Variants in CA10 observed in about 807,000 individuals in gnomAD.
CA10 encodes carbonic anhydrase-related protein 10.
A neutral mutation model predicts 44.2 loss-of-function variants in CA10; 14 were observed. The observed-to-expected ratio is 0.32, with a 90% CI of 0.21 to 0.50. CA10 has a LOEUF of 0.50. Among genes scored for constraint, CA10 ranks in the 20% least tolerant of loss-of-function variants. The probability of loss-of-function intolerance (pLI) is 0.99; values close to 1 mark genes in which losing one functional copy is unlikely to be tolerated. For missense variants in CA10, 350 were observed against 409.7 expected, an observed-to-expected ratio of 0.85 and a Z score of 1.26; for synonymous variants, 159 against 141.6, an observed-to-expected ratio of 1.12 and a Z score of -0.87.
intron 4 of CA10, among the ~76,000 whole-genome samples, chr17:51,696,107 G>A (rs1456962146): frequency 1.3e-5 from 2 of 152,150 alleles, no homozygotes; most frequent in Non-Finnish European, 2.9e-5. Flanking sequence ...GTTCATCAGG[G>A]ATATTGACCT....
At chr17:52,026,124 A>T (rs1479146295) in intron 2 of CA10, among the ~76,000 whole-genome samples, 1 of 152,150 alleles carries the variant, frequency 6.6e-6, no homozygotes, top group Non-Finnish European at 1.5e-5. Flanking sequence ...GCTCCCATTC[A>T]TAAGTAAACT....
At chr17:51,800,455 T>G (rs1906882865) in intron 3 of CA10, among the ~76,000 whole-genome samples, 1 of 152,100 alleles carries the variant, frequency 6.6e-6, no homozygotes, top group Non-Finnish European at 1.5e-5. Flanking sequence ...AAAAAAAACA[T>G]TAAATTATAC....
chr17:51,729,152 C>T (rs1442518956), intron 4 of CA10, among the ~76,000 whole-genome samples: 1 of 152,056 alleles, frequency 6.6e-6, no homozygotes, highest in East Asian at 1.9e-4. Context: ...ACAATCTGTC[C>T]CCCATTTGAC....
intron 3 of CA10, among the ~76,000 whole-genome samples, chr17:51,765,435 G>A (rs538392609): frequency 2.0e-5 from 3 of 152,290 alleles, no homozygotes; most frequent in Admixed American, 6.5e-5. Context: ...TCTTAATAGA[G>A]AGAACTGCAG....
chr17:51,741,299 T>C (rs938023966), intron 4 of CA10, among the ~76,000 whole-genome samples: 8 of 152,220 alleles, frequency 5.3e-5, no homozygotes, highest in Non-Finnish European at 7.3e-5. Context: ...TTTTGTGTCC[T>C]TTACCACATT....
chr17:51,811,013 T>A (rs1208263142), intron 3 of CA10, among the ~76,000 whole-genome samples: 3 of 152,124 alleles, frequency 2.0e-5, no homozygotes, highest in African/African-American at 7.2e-5. Context: ...CTGGCCAACA[T>A]GGCGAAACCA....
At chr17:51,808,861 ATTTAC>A (rs892681150) in intron 3 of CA10, among the ~76,000 whole-genome samples, 3 of 152,174 alleles carry the variant, frequency 2.0e-5, no homozygotes, top group African/African-American at 4.8e-5. Context: ...TATTTCCCAA[ATTTAC>A]TTTAAAGAAT....
At chr17:51,795,740 C>A (rs1359935599) in intron 3 of CA10, among the ~76,000 whole-genome samples, 1 of 152,152 alleles carries the variant, frequency 6.6e-6, no homozygotes. Flanking sequence ...AGGGCTGACC[C>A]CAGGGAGGCA....
At chr17:51,771,915 C>T (rs1195753114) in intron 3 of CA10, among the ~76,000 whole-genome samples, 2 of 152,194 alleles carry the variant, frequency 1.3e-5, no homozygotes, top group African/African-American at 2.4e-5. Context: ...GAAGTAGGAG[C>T]AGGCATCCCA....
In CA10 at chr17:51,719,918, C is replaced by T. The variant is rs1004093998; in HGVS notation, c.465+27715G>A. ...AAAACAAAACAAAAAACTTTTGCAG[C>T]CTTTTAAGGAGGCAATGAAGTGGGC... On this transcript the variant is annotated intron_variant, in intron 4 of 8. Coordinates refer to ENST00000451037, the MANE Select transcript of CA10 (RefSeq NM_020178.5). Among the ~76,000 whole-genome samples the T allele has an allele frequency of 2.0e-5, 3 of 152,122 alleles. No homozygotes were observed. The East Asian group carries it at 5.8e-4, about 29-fold the overall frequency.
At chr17:51,927,046 C>T (rs1982461201) in intron 3 of CA10, among the ~76,000 whole-genome samples, 1 of 152,154 alleles carries the variant, frequency 6.6e-6, no homozygotes, top group South Asian at 2.1e-4. Context: ...TATTATCCTT[C>T]ATCCCAGTCT....
intron 4 of CA10, among the ~76,000 whole-genome samples, chr17:51,704,888 G>GGGAGGT (rs1285907532): frequency 4.6e-5 from 7 of 152,044 alleles, no homozygotes; most frequent in Admixed American, 3.9e-4. Flanking sequence ...GCTTGAAGCT[G>GGGAGGT]GGAGGTGGAG....
intron 4 of CA10, among the ~76,000 whole-genome samples, chr17:51,692,431 CCAT>C (rs1915244059): frequency 1.5e-5 from 1 of 66,364 alleles, no homozygotes; most frequent in Admixed American, 1.7e-4. Flanking sequence ...ATCTATTTTA[CCAT>C]TTACCATGGG....
At chr17:51,782,722 C>G (rs1906111979) in intron 3 of CA10, among the ~76,000 whole-genome samples, 1 of 152,180 alleles carries the variant, frequency 6.6e-6, no homozygotes, top group South Asian at 2.1e-4. Context: ...TGCCTGTCCT[C>G]CACTCTGGAA....
At chr17:51,921,670 C>T (rs551189833) in intron 3 of CA10, among the ~76,000 whole-genome samples, 1 of 152,292 alleles carries the variant, frequency 6.6e-6, no homozygotes, top group South Asian at 2.1e-4. Context: ...ACAATGGCCT[C>T]ACTTGTCATG....
Position 51,805,737 on chromosome 17 carries a change from A to G in CA10, c.280-57919T>C, listed in dbSNP as rs1156853538. Among the ~76,000 whole-genome samples, 3 of 152,164 alleles carry G rather than the reference A, an allele frequency of 2.0e-5. No homozygotes were observed. The East Asian group carries it at 5.8e-4, about 29-fold the overall frequency. On this transcript the variant is annotated intron_variant, in intron 3 of 8. Transcript: ENST00000451037. ...AGTTTTAGAACATTTCCATCACCCA[A>G]AAAGCTTCCTCCCACCCATTTACAG...
intron 4 of CA10, among the ~76,000 whole-genome samples, chr17:51,696,786 C>G (rs1188880537): frequency 6.6e-6 from 1 of 152,118 alleles, no homozygotes. Context: ...TGTTCTGTCT[C>G]TGTGTTTATT....
chr17:51,835,001 G>C (rs907628706), intron 3 of CA10, among the ~76,000 whole-genome samples: 1 of 152,098 alleles, frequency 6.6e-6, no homozygotes. Flanking sequence ...CTGGGAATGG[G>C]ACCAACCCTT....
chr17:52,119,469 G>A (rs1988966745), intron 1 of CA10, among the ~76,000 whole-genome samples: 1 of 152,078 alleles, frequency 6.6e-6, no homozygotes, highest in African/African-American at 2.4e-5. Context: ...CCTGACCCAT[G>A]GTAAGTAAAG....
Sources: gnomAD v4.1 joint callset for allele counts (sites outside exome capture counted in the v4.1 genomes callset) on GRCh38, gnomAD v4.1.1 for gene constraint, MANE v1.5 for transcripts, NCBI Gene and HGNC (gene_info 2026-07-23, HGNC 2026-07-21) for gene names.